The following IPO11 variants were observed in gnomAD, a reference collection of about 807,000 sequenced individuals.
IPO11 encodes importin-11.
Under a neutral mutation model 143.2 loss-of-function variants are expected in IPO11, and 66 were observed. The observed-to-expected ratio is 0.46, with a 90% confidence interval of 0.38 to 0.57. The LOEUF is 0.57. Among genes scored for constraint, IPO11 ranks in the 20% least tolerant of loss-of-function variants. The probability of loss-of-function intolerance (pLI) is 0.00; values close to 1 mark genes in which losing one functional copy is unlikely to be tolerated. For missense variants in IPO11, 1,026 were observed against 1,141.0 expected (o/e 0.90, Z 1.45); for synonymous variants, 385 against 377.8 (o/e 1.02, Z -0.22).
At chr5:62,585,049 T>C (rs953367331) in intron 27 of IPO11, among the ~76,000 whole-genome samples, 6 of 152,212 alleles carry the variant, frequency 3.9e-5, no homozygotes, top group Non-Finnish European at 8.8e-5. Flanking sequence ...TCTTCCTGTT[T>C]TCTTTGGTCT....
intron 24 of IPO11, among the ~76,000 whole-genome samples, chr5:62,546,745 C>A (rs1037851112): frequency 1.3e-5 from 2 of 152,124 alleles, no homozygotes; most frequent in African/African-American, 4.8e-5. Context: ...AGTACCACAC[C>A]TTGTCCAGTT....
At chr5:62,454,504 CCTTACAGGTATA>C (rs1745056293) in intron 5 of IPO11, among the ~76,000 whole-genome samples, 1 of 152,112 alleles carries the variant, frequency 6.6e-6, no homozygotes, top group Non-Finnish European at 1.5e-5. Context: ...TAATATGTTG[CCTTACAGGTATA>C]CTTTATATTT....
chr5:62,417,321 ATTTTT>A (rs34767317), intron 1 of IPO11, among the ~76,000 whole-genome samples: 10 of 65,352 alleles, frequency 1.5e-4, no homozygotes, highest in African/African-American at 5.1e-4. Flanking sequence ...TTATTGGTTA[ATTTTT>A]TTTTTTTTTT....
Position 62,483,929 on chromosome 5 carries a change from T to G in IPO11, c.1022-81T>G. On this transcript the variant is annotated intron_variant, in intron 10 of 29. Transcript: ENST00000325324. ...TGTATCTTCTTCCCTGAGAGTGTAT[T>G]TTTTATTTATTTAAGTTACATAATC... 5 of 1,213,930 alleles carry G rather than the reference T, an allele frequency of 4.1e-6. 1 individual carries two copies. The South Asian group carries it at 4.3e-5, about 10-fold the overall frequency. 75.2% of individuals were successfully genotyped at this position (1,213,930 alleles called of 1,614,324 possible).
intron 27 of IPO11, among the ~76,000 whole-genome samples, chr5:62,567,503 T>C (rs1344696524): frequency 6.8e-6 from 1 of 147,094 alleles, no homozygotes; most frequent in African/African-American, 2.5e-5. Context: ...TTATTTTTTT[T>C]ACTATTTCTA....
At chr5:62,601,740 A>G (rs377179950) in intron 28 of IPO11, 24 bp from the exon 29 acceptor site, 2 of 1,311,688 alleles carry the variant, frequency 1.5e-6, no homozygotes, top group Admixed American at 2.5e-5. Flanking sequence ...TATTTAAAAC[A>G]TGTTTTTTAA....
intron 21 of IPO11, among the ~76,000 whole-genome samples, chr5:62,529,422 T>G (rs929091826): frequency 6.6e-6 from 1 of 152,150 alleles, no homozygotes; most frequent in Non-Finnish European, 1.5e-5. Flanking sequence ...TAAACTTTAC[T>G]TGGTGGGGAA....
chr5:62,467,860 A>T (rs1052543255), intron 6 of IPO11, among the ~76,000 whole-genome samples: 4 of 151,756 alleles, frequency 2.6e-5, no homozygotes, highest in African/African-American at 4.8e-5. Flanking sequence ...TCTAAAATAT[A>T]CTCATTTGTC....
At chr5:62,429,261 T>C (rs1032175377) in intron 1 of IPO11, among the ~76,000 whole-genome samples, 1 of 152,198 alleles carries the variant, frequency 6.6e-6, no homozygotes, top group South Asian at 2.1e-4. Context: ...ATGGGAATCA[T>C]GCAGCTTGTG....
chr5:62,555,957 G>GT (rs199739125), intron 26 of IPO11, among the ~76,000 whole-genome samples: 10 of 151,342 alleles, frequency 6.6e-5, no homozygotes, highest in African/African-American at 1.7e-4. Context: ...GCCACCTTCA[G>GT]TTTTTTTTTA....
chr5:62,620,993 T>G (rs1016068688), intron 29 of IPO11, among the ~76,000 whole-genome samples: 2 of 152,174 alleles, frequency 1.3e-5, no homozygotes, highest in Non-Finnish European at 2.9e-5. Flanking sequence ...GCAGGAAAAC[T>G]GTGAAAAAGA....
chr5:62,485,184 A>G (rs777530281), intron 11 of IPO11, among the ~76,000 whole-genome samples: 1 of 152,184 alleles, frequency 6.6e-6, no homozygotes, highest in Non-Finnish European at 1.5e-5. Context: ...AAGAATTTTT[A>G]TCGAAAATGA....
intron 27 of IPO11, among the ~76,000 whole-genome samples, chr5:62,589,439 T>G (rs559511356): frequency 1.3e-5 from 2 of 152,272 alleles, no homozygotes; most frequent in Non-Finnish European, 1.5e-5. Context: ...CCTAGTCAAG[T>G]CACCCACCCA....
At chr5:62,617,982 A>G (rs556670980) in intron 29 of IPO11, among the ~76,000 whole-genome samples, 2 of 152,238 alleles carry the variant, frequency 1.3e-5, no homozygotes, top group East Asian at 3.9e-4. Context: ...TAGTGGGTGT[A>G]TAGTGACAGA....
chr5:62,418,174 T>TTTTTC (rs902892880), intron 1 of IPO11, among the ~76,000 whole-genome samples: 9 of 151,904 alleles, frequency 5.9e-5, no homozygotes, highest in Non-Finnish European at 8.8e-5. Flanking sequence ...TTTTTTTTTT[T>TTTTTC]TTTTCTTTGA....
intron 12 of IPO11, among the ~76,000 whole-genome samples, chr5:62,487,355 C>G (rs2112231189): frequency 6.6e-6 from 1 of 152,024 alleles, no homozygotes; most frequent in South Asian, 2.1e-4. Context: ...GAAATCACAC[C>G]ACTGCACTCC....
intron 20 of IPO11, among the ~76,000 whole-genome samples, chr5:62,523,863 G>A (rs1742281032): frequency 6.6e-6 from 1 of 152,110 alleles, no homozygotes; most frequent in South Asian, 2.1e-4. Flanking sequence ...TGAGAAGACA[G>A]CCAAGGATAC....
rs1744473895 is a variant in IPO11 at position 62,579,799 on chromosome 5, A to T, written c.2583-11778A>T. On this transcript the variant is annotated intron_variant, in intron 27 of 29. Coordinates refer to ENST00000325324, the MANE Select transcript of IPO11 (RefSeq NM_016338.5). Reference sequence around the variant, plus strand: ...TCTATTTCTAAATAATAATTTCATCAAACGCTTAGATCCTGGAATATTTAA... The same window carrying T: ...TCTATTTCTAAATAATAATTTCATCTAACGCTTAGATCCTGGAATATTTAA... 9 of 1,544,088 alleles carry T rather than the reference A, an allele frequency of 5.8e-6. No individual in the cohort carries two copies. In the South Asian group the frequency reaches 9.6e-5, roughly 17 times the overall value.
intron 20 of IPO11, among the ~76,000 whole-genome samples, chr5:62,522,432 G>A (rs532876606): frequency 6.6e-6 from 1 of 152,146 alleles, no homozygotes; most frequent in South Asian, 2.1e-4. Flanking sequence ...CTACAGGCAT[G>A]CACCAACATG....
Sources: gnomAD v4.1 joint callset for allele counts (sites outside exome capture counted in the v4.1 genomes callset) on GRCh38, gnomAD v4.1.1 for gene constraint, MANE v1.5 for transcripts, NCBI Gene and HGNC (gene_info 2026-07-23, HGNC 2026-07-21) for gene names.